ADAMTS16: variants seen among roughly 807,000 people sequenced by gnomAD.
ADAMTS16 encodes A disintegrin and metalloproteinase with thrombospondin motifs 16.
In ADAMTS16, 94 loss-of-function variants were observed where a neutral mutation model predicts 145.8. That is an observed-to-expected ratio of 0.64 (90% CI 0.55 to 0.77). The LOEUF (loss-of-function observed/expected upper bound fraction) is 0.77, where lower values mean the gene tolerates loss of function less well. ADAMTS16 is among the 30% of genes least tolerant of loss of function. The probability of loss-of-function intolerance (pLI) is 0.00; values close to 1 mark genes in which losing one functional copy is unlikely to be tolerated. For synonymous variants in ADAMTS16, 659 were observed against 604.3 expected (o/e 1.09, Z -1.33); for missense variants, 1,585 against 1,591.5 (o/e 1.00, Z 0.07).
chr5:5,291,952 C>G (rs16875272), intron 18 of ADAMTS16, among the ~76,000 whole-genome samples: 7,420 of 152,224 alleles, frequency 0.049, 234 homozygotes, highest in African/African-American at 0.079. Flanking sequence ...AACTGGTCAA[C>G]AAATGTTTAG....
intron 3 of ADAMTS16, among the ~76,000 whole-genome samples, chr5:5,173,357 G>T (rs1042267756): frequency 6.8e-6 from 1 of 147,410 alleles, no homozygotes; most frequent in East Asian, 2.0e-4. Context: ...TTTAGTGAAG[G>T]TTATTTTCTC....
chr5:5,256,993 C>T (rs1028947211), intron 17 of ADAMTS16, among the ~76,000 whole-genome samples: 2 of 152,126 alleles, frequency 1.3e-5, no homozygotes, highest in African/African-American at 4.8e-5. Context: ...TTATTTAAAT[C>T]GGGTTATCAT....
Position 5,239,293 on chromosome 5 carries a change from C to T in ADAMTS16, c.2278+19C>T, listed in dbSNP as rs1343804461. 2.6e-6 allele frequency: 4 copies of T among 1,523,272 alleles called. No homozygotes were observed. Among genetic ancestry groups the T allele is most frequent in the Non-Finnish European group, 2.6e-6 (3 of 1,139,396 alleles). The allele number at this position is 1,523,272 out of a possible 1,614,324, so 94.4% of individuals were successfully genotyped here. On this transcript the variant is annotated intron_variant, in intron 15 of 22. Transcript: ENST00000274181. ...ACCAACCGTGAGTACTTTAGAGCTG[C>T]CTGCAAGCCTTGGGCAAAGAAGATT...
At chr5:5,184,379 TA>T (rs1257678560) in intron 4 of ADAMTS16, among the ~76,000 whole-genome samples, 2 of 152,154 alleles carry the variant, frequency 1.3e-5, no homozygotes, top group Non-Finnish European at 2.9e-5. Flanking sequence ...TCGTGTCACC[TA>T]TGCACGGACA....
chr5:5,270,340 G>A (rs1309338130), intron 18 of ADAMTS16, among the ~76,000 whole-genome samples: 3 of 152,172 alleles, frequency 2.0e-5, no homozygotes, highest in Non-Finnish European at 1.5e-5. Flanking sequence ...AGACAAAGGC[G>A]CTGGGCGGCA....
intron 12 of ADAMTS16, among the ~76,000 whole-genome samples, chr5:5,233,045 TAAC>T (rs890663780): frequency 1.8e-4 from 27 of 146,096 alleles, no homozygotes; most frequent in Admixed American, 4.2e-4. Flanking sequence ...AGCAAAAAAA[TAAC>T]AGCAGCAACA....
chr5:5,258,932 T>C (rs1245606342), intron 17 of ADAMTS16, among the ~76,000 whole-genome samples: 1 of 152,146 alleles, frequency 6.6e-6, no homozygotes, highest in Non-Finnish European at 1.5e-5. Flanking sequence ...AGGACATTCA[T>C]TTGTTGGAAA....
Position 5,242,175 on chromosome 5 carries a change from C to G in ADAMTS16, c.2646C>G (p.Ser882=), listed in dbSNP as rs35767796. 3.1e-6 allele frequency: 5 copies of G among 1,613,812 alleles called. No homozygotes were observed. The highest frequency in any genetic ancestry group is 4.5e-5 in the East Asian group (2 of 44,836). Residue 882 remains serine, a synonymous_variant, in exon 17 of 23, where the codon TCC becomes TCG. Transcript: ENST00000274181. ...GGGCCATCGTGCGCTCTGAGTGCTCCGTGTCCTGCGGAGGGGGTAGGTGCC... is the reference window on the plus strand; with the variant it reads ...GGGCCATCGTGCGCTCTGAGTGCTCGGTGTCCTGCGGAGGGGGTAGGTGCC... The part of the protein sequence containing the change: ...YTWAIVRSEC[S]VSCGGGQMTV...
intron 3 of ADAMTS16, among the ~76,000 whole-genome samples, chr5:5,169,954 T>C (rs2126540679): frequency 6.6e-6 from 1 of 152,342 alleles, no homozygotes; most frequent in Middle Eastern, 3.4e-3. Flanking sequence ...TATCCATTTG[T>C]TTTTTGATGG....
intron 17 of ADAMTS16, among the ~76,000 whole-genome samples, chr5:5,250,495 G>A (rs1182004771): frequency 1.3e-5 from 2 of 152,150 alleles, no homozygotes; most frequent in African/African-American, 4.8e-5. Flanking sequence ...GTTTCTTAAA[G>A]CATAACTCAA....
chr5:5,232,739 G>A (rs1736972115), intron 12 of ADAMTS16, among the ~76,000 whole-genome samples: 1 of 151,616 alleles, frequency 6.6e-6, no homozygotes, highest in African/African-American at 2.4e-5. Context: ...AAGTAGCTGG[G>A]ACTATAGGTG....
chr5:5,142,889 A>G (rs938615870), intron 2 of ADAMTS16, among the ~76,000 whole-genome samples: 1 of 152,218 alleles, frequency 6.6e-6, no homozygotes, highest in Admixed American at 6.5e-5. Context: ...CAGAGACCTC[A>G]GAAATAACAC....
At chr5:5,229,299 C>T (rs1736858651) in intron 11 of ADAMTS16, among the ~76,000 whole-genome samples, 2 of 97,890 alleles carry the variant, frequency 2.0e-5, no homozygotes, top group South Asian at 3.3e-4. Context: ...AGCGAGACTC[C>T]GTCTCAAAAA....
At position 5,182,254 on chromosome 5, in the gene ADAMTS16, C is replaced by G. The variant is rs769052364; in HGVS notation, c.712C>G (p.Leu238Val). Residue 238 changes from leucine to valine, a missense_variant, in exon 4 of 23, where the codon CTT (leucine) becomes GTT (valine). This residue lies in a region of ADAMTS16 where 453 missense variants were observed against 412.1 expected (regional missense o/e 1.10). Coordinates refer to ENST00000274181, the MANE Select transcript of ADAMTS16 (RefSeq NM_139056.4). ...LAHQPLHSSD[L>V]RLGLPQKQHF... ...ACATCAACCCCTGCACAGCAGCGACCTTCGCCTGGGACTGCCACAAAAGCA... is the reference window on the plus strand; with the variant it reads ...ACATCAACCCCTGCACAGCAGCGACGTTCGCCTGGGACTGCCACAAAAGCA... 1 of 1,613,912 alleles carries G rather than the reference C, an allele frequency of 6.2e-7. No individual in the cohort carries two copies. Among genetic ancestry groups the G allele is most frequent in the South Asian group, 1.1e-5 (1 of 91,082 alleles).
chr5:5,192,577 C>T (rs1735693367), intron 8 of ADAMTS16, among the ~76,000 whole-genome samples: 1 of 152,108 alleles, frequency 6.6e-6, no homozygotes, highest in Non-Finnish European at 1.5e-5. Flanking sequence ...CTCCCTTATT[C>T]CACCTCTGAC....
intron 3 of ADAMTS16, 30 bp downstream of exon 3, chr5:5,146,485 G>A (rs1734301248): frequency 6.4e-7 from 1 of 1,565,336 alleles, no homozygotes; most frequent in Non-Finnish European, 8.6e-7. Context: ...CAGGTAGGGA[G>A]GCGAGGTTGG....
chr5:5,267,271 C>T (rs181249589), intron 18 of ADAMTS16, among the ~76,000 whole-genome samples: 186 of 152,308 alleles, frequency 1.2e-3, no homozygotes, highest in Middle Eastern at 6.8e-3. Context: ...AGTTTGTCGT[C>T]CCTGGGCAGC....
intron 17 of ADAMTS16, among the ~76,000 whole-genome samples, chr5:5,259,508 C>T (rs916241037): frequency 1.3e-5 from 2 of 152,218 alleles, no homozygotes; most frequent in Non-Finnish European, 2.9e-5. Flanking sequence ...CCCAGAAACA[C>T]AGTATGTGGT....
Position 5,145,918 on chromosome 5 carries a change from C to T in ADAMTS16, c.176-212C>T, listed in dbSNP as rs182770728. On this transcript the variant is annotated intron_variant, in intron 2 of 22. Transcript: ENST00000274181. ...AGAATTTCCTGGCTTGGTAATAGCA[C>T]ATTATGGGGCCCTTGTTACAATTTT... Among the ~76,000 whole-genome samples the T allele has an allele frequency of 1.4e-4, 22 of 152,214 alleles. 1 individual carries two copies. Among genetic ancestry groups the T allele is most frequent in the African/African-American group, 4.8e-4 (20 of 41,524 alleles).
Sources: gnomAD v4.1 joint callset for allele counts (sites outside exome capture counted in the v4.1 genomes callset) on GRCh38, gnomAD v4.1.1 for gene constraint, gnomAD v4.1.1 regional missense constraint, MANE v1.5 for transcripts, NCBI Gene and HGNC (gene_info 2026-07-23, HGNC 2026-07-21) for gene names.